Variants in OR51E1 observed in about 807,000 individuals in gnomAD.
The protein encoded by OR51E1 is olfactory receptor 51E1.
Under a neutral mutation model 11.5 loss-of-function variants are expected in OR51E1, and 9 were observed. That is an observed-to-expected ratio of 0.78 (90% confidence interval 0.47 to 1.37). The LOEUF (loss-of-function observed/expected upper bound fraction) is 1.37. Ranked by LOEUF, OR51E1 falls within the 40% of genes most tolerant of loss-of-function variation. The pLI, the probability that OR51E1 is intolerant of heterozygous loss-of-function variation, is 0.00. For missense variants in OR51E1, 397 were observed against 410.2 expected, an observed-to-expected ratio of 0.97 and a Z score of 0.28; for synonymous variants, 168 against 158.3, an observed-to-expected ratio of 1.06 and a Z score of -0.46.
intron 1 of OR51E1, among the ~76,000 whole-genome samples, chr11:4,644,873 T>C (rs754009562): frequency 1.2e-4 from 18 of 152,202 alleles, no homozygotes; most frequent in Non-Finnish European, 1.8e-4. Flanking sequence ...CCGCCTCATC[T>C]TCTCAAACTC....
At chr11:4,645,108 C>T (rs1847012952) in intron 1 of OR51E1, among the ~76,000 whole-genome samples, 1 of 130,410 alleles carries the variant, frequency 7.7e-6, no homozygotes, top group South Asian at 2.8e-4. Flanking sequence ...CCATCTTCCT[C>T]TGTCCTATCA....
rs1202831938 is a variant in OR51E1, at chr11:4,644,320, T to TGAGGACA, written c.-40+306_-40+312dup. ...GGAGGCTGGCAGGGGCTGATGTGAA[T>TGAGGACA]GAGGACAGAGGACAGAGGACAGGCT... On this transcript the variant is annotated intron_variant, in intron 1 of 1. Transcript: ENST00000396952. 2.8e-4 allele frequency among the ~76,000 whole-genome samples: 43 copies of TGAGGACA among 152,126 alleles called. No homozygotes were observed. The Middle Eastern group carries it at 0.01, about 36-fold the overall frequency.
intron 1 of OR51E1, among the ~76,000 whole-genome samples, chr11:4,652,158 T>C (rs1847106038): frequency 6.6e-6 from 1 of 152,210 alleles, no homozygotes; most frequent in Non-Finnish European, 1.5e-5. Context: ...AATGGTGAGA[T>C]ATTTTTATCA....
At chr11:4,648,947 A>G (rs1456199738) in intron 1 of OR51E1, among the ~76,000 whole-genome samples, 2 of 152,050 alleles carry the variant, frequency 1.3e-5, no homozygotes, top group Non-Finnish European at 2.9e-5. Context: ...AATTAAAATT[A>G]CTCTGCACTG....
At chr11:4,651,918 T>G (rs1378654958) in intron 1 of OR51E1, among the ~76,000 whole-genome samples, 2 of 152,202 alleles carry the variant, frequency 1.3e-5, no homozygotes, top group Admixed American at 1.3e-4. Flanking sequence ...TCTTTAAGAT[T>G]GAAATGGTTA....
intron 1 of OR51E1, among the ~76,000 whole-genome samples, chr11:4,645,780 G>T (rs7342197): frequency 2.0e-5 from 3 of 152,168 alleles, no homozygotes; most frequent in South Asian, 2.1e-4. Flanking sequence ...GGTGATTTTA[G>T]GTGGTCAGGC....
intron 1 of OR51E1, among the ~76,000 whole-genome samples, chr11:4,646,413 C>T (rs920556528): frequency 3.9e-5 from 6 of 152,284 alleles, no homozygotes; most frequent in East Asian, 3.9e-4. Context: ...GCTTACAAAG[C>T]GAAGTCCCTT....
At chr11:4,645,191 T>C (rs1004152143) in intron 1 of OR51E1, among the ~76,000 whole-genome samples, 3 of 152,222 alleles carry the variant, frequency 2.0e-5, no homozygotes, top group Admixed American at 2.0e-4. Flanking sequence ...TCGTGTTATA[T>C]GAGCTCCATA....
intron 1 of OR51E1, among the ~76,000 whole-genome samples, chr11:4,645,262 G>C (rs1847014625): frequency 6.6e-6 from 1 of 152,118 alleles, no homozygotes; most frequent in African/African-American, 2.4e-5. Context: ...CACTCAATAT[G>C]TTTTTGTTGT....
At position 4,653,491 on chromosome 11, in the gene OR51E1, T is replaced by C. The variant is rs998341689; in HGVS notation, c.*8T>C. 1 of 1,512,852 alleles carries C rather than the reference T, an allele frequency of 6.6e-7. No individual in the cohort carries two copies. Among genetic ancestry groups the C allele is most frequent in the Non-Finnish European group, 9.1e-7 (1 of 1,099,072 alleles). The allele number at this position is 1,512,852 out of a possible 1,614,324, so 93.7% of individuals were successfully genotyped here. On this transcript the variant is annotated 3_prime_UTR_variant, in exon 2 of 2. Coordinates refer to ENST00000396952, the MANE Select transcript of OR51E1 (RefSeq NM_152430.4). The stretch of plus-strand genomic sequence containing the variant: ...CACGCTTCAGAGCCCTAGGTGTCAG[T>C]GATCAAACTTCTTTTCCATTCAGAG...
rs757719662 is a variant in OR51E1 at position 4,653,239 on chromosome 11, A to G, written c.713A>G (p.Lys238Arg). 6.2e-7 allele frequency: 1 copy of G among 1,614,102 alleles called. No individual in the cohort carries two copies. The highest frequency in any genetic ancestry group is 8.5e-7 in the Non-Finnish European group (1 of 1,179,936). ...VLGLTREAQA[K>R]AFGTCVSHVC... ...GGCTTGACACGTGAAGCCCAGGCCA[A>G]GGCATTTGGCACTTGCGTCTCTCAT... is the stretch of plus-strand genomic sequence containing the variant. The change falls in exon 2 of 2, where the codon AAG (lysine) becomes AGG (arginine). Residue 238 changes from lysine to arginine, a missense_variant. Coordinates refer to ENST00000396952, the MANE Select transcript of OR51E1 (RefSeq NM_152430.4).
At position 4,654,908 on chromosome 11, in the gene OR51E1, C is replaced by A. The variant is rs1166310122; in HGVS notation, c.*1425C>A. The A allele has an allele frequency of 6.0e-6, 1 of 167,096 alleles. No individual in the cohort carries two copies. The highest frequency in any genetic ancestry group is 6.5e-5 in the Admixed American group (1 of 15,286). 10.4% of individuals were successfully genotyped at this position (167,096 alleles called of 1,614,324 possible). On this transcript the variant is annotated 3_prime_UTR_variant, in exon 2 of 2. Coordinates refer to ENST00000396952, the MANE Select transcript of OR51E1 (RefSeq NM_152430.4). ...GGTAAGTTTCATTTTCTTTTTCAAT[C>A]CTCAGGTTCCCTGATATGGATTCCT...
intron 1 of OR51E1, among the ~76,000 whole-genome samples, chr11:4,644,426 T>C (rs1307186443): frequency 6.6e-6 from 1 of 151,886 alleles, no homozygotes; most frequent in Admixed American, 6.6e-5. Context: ...TGAAGCTCAG[T>C]CTATGACTGG....
chr11:4,648,380 A>G (rs1320101720), intron 1 of OR51E1, among the ~76,000 whole-genome samples: 2 of 152,258 alleles, frequency 1.3e-5, no homozygotes, highest in African/African-American at 2.4e-5. Context: ...ATACATTTTC[A>G]GAGACCTTGT....
intron 1 of OR51E1, among the ~76,000 whole-genome samples, chr11:4,644,986 A>G (rs10768150): frequency 0.44 from 66,278 of 151,818 alleles, 15,695 homozygotes; most frequent in Middle Eastern, 0.56. Flanking sequence ...TGTCTCCCAC[A>G]GTTGGAATGC....
chr11:4,648,850 G>GT (rs1042436873), intron 1 of OR51E1, among the ~76,000 whole-genome samples: 71 of 152,058 alleles, frequency 4.7e-4, no homozygotes, highest in East Asian at 3.9e-3. Flanking sequence ...CAGCTGCTCT[G>GT]TTTTTTTTAA....
In OR51E1 at chr11:4,653,358, T is replaced by C. The variant is rs1243603551; in HGVS notation, c.832T>C (p.Leu278=). 1 of 1,614,130 alleles carries C rather than the reference T, an allele frequency of 6.2e-7. No individual in the cohort carries two copies. Among genetic ancestry groups the C allele is most frequent in the Admixed American group, 1.7e-5 (1 of 60,032 alleles). ...KRRDSPLPVI[L]ANIYLLVPPV... is the part of the protein sequence containing the mutation. ...GCGTGACTCTCCGCTGCCCGTCATC[T>C]TGGCCAATATCTATCTGCTGGTTCC... The change falls in exon 2 of 2, where the codon TTG becomes CTG. Residue 278 remains leucine, a synonymous_variant. Transcript: ENST00000396952.
intron 1 of OR51E1, 66 bp from the exon 2 acceptor site, chr11:4,652,422 G>A: frequency 1.4e-6 from 1 of 718,792 alleles, no homozygotes; most frequent in Non-Finnish European, 2.4e-6. Context: ...AGTACATCAG[G>A]ATAGAGTCAG....
At chr11:4,645,997 A>C (rs1026024606) in intron 1 of OR51E1, among the ~76,000 whole-genome samples, 1 of 152,120 alleles carries the variant, frequency 6.6e-6, no homozygotes, top group African/African-American at 2.4e-5. Context: ...TGGGGCTACT[A>C]CCCTCACTAA....
Sources: gnomAD v4.1 joint callset for allele counts (sites outside exome capture counted in the v4.1 genomes callset) on GRCh38, gnomAD v4.1.1 for gene constraint, MANE v1.5 for transcripts, NCBI Gene and HGNC (gene_info 2026-07-23, HGNC 2026-07-21) for gene names.